BRAF: variants seen among roughly 807,000 people sequenced by gnomAD.
BRAF encodes the protein serine/threonine-protein kinase B-raf.
In BRAF, 16 loss-of-function variants were observed where a neutral mutation model predicts 104.6. The observed-to-expected ratio is 0.15, with a 90% CI of 0.10 to 0.23. The LOEUF is 0.23. Ranked by LOEUF, BRAF falls within the 10% of genes least tolerant of loss-of-function variation. BRAF has a pLI of 1.00. For missense variants in BRAF, 541 were observed against 937.3 expected, an observed-to-expected ratio of 0.58 and a Z score of 5.52; for synonymous variants, 310 against 341.6, an observed-to-expected ratio of 0.91 and a Z score of 1.02.
intron 19 of BRAF, chr7:140,731,607 G>C (rs751658836): frequency 1.3e-5 from 2 of 152,134 alleles, no homozygotes; most frequent in South Asian, 4.1e-4. Context: ...TTTTAGAGAG[G>C]ACAATTTTAA....
chr7:140,727,279 G>T (rs1311105122), intron 19 of BRAF, among the ~76,000 whole-genome samples: 2 of 151,746 alleles, frequency 1.3e-5, no homozygotes, highest in Admixed American at 1.3e-4. Flanking sequence ...TACCTCCTGG[G>T]TTCAAGTGAT....
chr7:140,785,107 A>G (rs553732878), intron 10 of BRAF, among the ~76,000 whole-genome samples: 1 of 152,224 alleles, frequency 6.6e-6, no homozygotes, highest in South Asian at 2.1e-4. Context: ...ATATGTTATA[A>G]ATCTTTTTTT....
chr7:140,713,654 A>T, the BRAF span, among the ~76,000 whole-genome samples: 1 of 152,194 alleles, frequency 6.6e-6, no homozygotes, highest in South Asian at 2.1e-4. Context: ...CTGGTGAGGA[A>T]CTGCATTCCT....
chr7:140,782,830 T>C (rs142667170), intron 11 of BRAF, among the ~76,000 whole-genome samples, 191 bp downstream of exon 10: 30 of 152,308 alleles, frequency 2.0e-4, no homozygotes, highest in Middle Eastern at 3.4e-3. Flanking sequence ...CTAAATTATA[T>C]TATAGATGAC....
intron 1 of BRAF, among the ~76,000 whole-genome samples, chr7:140,872,344 CA>C (rs770764129): frequency 4.8e-4 from 71 of 149,346 alleles, no homozygotes; most frequent in Non-Finnish European, 9.1e-4. Flanking sequence ...GGTACTTTAA[CA>C]AAAAGTTAAA....
chr7:140,884,429 ATGTG>A (rs71170770), intron 1 of BRAF, among the ~76,000 whole-genome samples: 12,791 of 127,266 alleles, frequency 0.1, 684 homozygotes, highest in Middle Eastern at 0.14. Flanking sequence ...TATATAAGAT[ATGTG>A]TGTGTGTGTG....
intron 3 of BRAF, among the ~76,000 whole-genome samples, chr7:140,810,426 C>T (rs780308965): frequency 7.9e-5 from 12 of 151,984 alleles, no homozygotes; most frequent in South Asian, 4.1e-4. Context: ...AAAAAGTAGC[C>T]GGGCAGAGCG....
At chr7:140,859,071 A>G (rs1029316060) in intron 1 of BRAF, among the ~76,000 whole-genome samples, 3 of 152,224 alleles carry the variant, frequency 2.0e-5, no homozygotes, top group African/African-American at 7.2e-5. Context: ...GATGCTTCTC[A>G]TGATAGTAAC....
chr7:140,861,794 A>C (rs1325097223), intron 1 of BRAF, among the ~76,000 whole-genome samples: 1 of 152,136 alleles, frequency 6.6e-6, no homozygotes, highest in Non-Finnish European at 1.5e-5. Context: ...AAAACTGAGT[A>C]ATAGGTACAT....
intron 14 of BRAF, among the ~76,000 whole-genome samples, chr7:140,754,777 C>T (rs1043357124): frequency 6.6e-6 from 1 of 152,026 alleles, no homozygotes; most frequent in Non-Finnish European, 1.5e-5. Flanking sequence ...TTTCAACGTG[C>T]CTATGTTCAC....
At chr7:140,833,121 T>C (rs1806962885) in intron 3 of BRAF, among the ~76,000 whole-genome samples, 1 of 152,074 alleles carries the variant, frequency 6.6e-6, no homozygotes, top group South Asian at 2.1e-4. Context: ...CCTGACCTCG[T>C]GATCTGCCCG....
chr7:140,720,750 C>T lies in BRAF; in HGVS notation c.*5744G>A. 9.4e-7 allele frequency: 1 copy of T among 1,066,044 alleles called. No homozygotes were observed. The highest frequency in any genetic ancestry group is 1.1e-6 in the Non-Finnish European group (1 of 879,732). The allele number at this position is 1,066,044 out of a possible 1,614,324, so 66.0% of individuals were successfully genotyped here. A position where few individuals can be genotyped will look rare whatever the true frequency, so the allele number is the denominator to read the frequency against. ...TATGCTAGTTTGCAGTGACTTCCAA[C>T]TCATACTCCACCAAAACACACGTGG... On this transcript the variant is annotated 3_prime_UTR_variant, in exon 20 of 20. Transcript: ENST00000644969.
At position 140,747,515 on chromosome 7, in the gene BRAF, C is replaced by T. The variant is rs1797451291; in HGVS notation, c.2112+1772G>A. Reference sequence around the variant, plus strand: ...TTTTATCTGTATTTTGGAGATAATACTTGTTTCTATATTATAATTTTATTA... The same window carrying T: ...TTTTATCTGTATTTTGGAGATAATATTTGTTTCTATATTATAATTTTATTA... On this transcript the variant is annotated intron_variant, in intron 17 of 19. Transcript: ENST00000644969. 4.6e-6 allele frequency: 3 copies of T among 652,104 alleles called. No homozygotes were observed. In the South Asian group the frequency reaches 5.0e-5, roughly 11 times the overall value. 40.4% of individuals were successfully genotyped at this position (652,104 alleles called of 1,614,324 possible).
In BRAF at chr7:140,862,898, G is replaced by T. The variant is rs148975265; in HGVS notation, c.139-12686C>A. 2.6e-5 allele frequency among the ~76,000 whole-genome samples: 4 copies of T among 152,242 alleles called. No homozygotes were observed. In the East Asian group the frequency reaches 7.7e-4, roughly 29 times the overall value. On this transcript the variant is annotated intron_variant, in intron 1 of 19. Transcript: ENST00000644969. ...TCAATAAAACTGTTATTTTTTAAAA[G>T]ATAGTAGAATAATGTTTTCACTGTC...
intron 19 of BRAF, among the ~76,000 whole-genome samples, chr7:140,730,452 C>CT (rs1795874537): frequency 6.6e-6 from 1 of 152,116 alleles, no homozygotes; most frequent in Non-Finnish European, 1.5e-5. Context: ...ACTGCAACCT[C>CT]TGCCTCCCGG....
At chr7:140,870,142 G>A (rs1361721504) in intron 1 of BRAF, among the ~76,000 whole-genome samples, 1 of 152,092 alleles carries the variant, frequency 6.6e-6, no homozygotes, top group Non-Finnish European at 1.5e-5. Flanking sequence ...TGAGGGTGCA[G>A]GAGAAAATAC....
chr7:140,776,765 A>AT, intron 14 of BRAF, 147 bp downstream of exon 13: 1 of 753,548 alleles, frequency 1.3e-6, no homozygotes. Context: ...TTTTAGTATC[A>AT]TATTATTTAC....
intron 1 of BRAF, among the ~76,000 whole-genome samples, chr7:140,908,213 A>G (rs1431057453): frequency 6.6e-6 from 1 of 152,038 alleles, no homozygotes; most frequent in Non-Finnish European, 1.5e-5. Context: ...CTTGGTTATT[A>G]TTTTTCCTCT....
At chr7:140,916,464 T>C (rs985844151) in intron 1 of BRAF, among the ~76,000 whole-genome samples, 1 of 152,236 alleles carries the variant, frequency 6.6e-6, no homozygotes, top group Admixed American at 6.5e-5. Flanking sequence ...CTAATGAAGA[T>C]GGAGAATAAC....
Sources: allele counts gnomAD v4.1 joint callset (sites outside exome capture counted in the v4.1 genomes callset), GRCh38; gene constraint gnomAD v4.1.1; transcripts MANE v1.5; gene names NCBI Gene and HGNC (gene_info 2026-07-23, HGNC 2026-07-21).